C3orf85: variants seen among roughly 807,000 people sequenced by gnomAD.
C3orf85 encodes the protein chromosome 3 open reading frame 85.
C3orf85 carries 1 observed loss-of-function variant against 1.7 expected under a neutral mutation model. The observed-to-expected ratio is 0.60, with a 90% CI of 0.21 to 2.86. The LOEUF is 2.86. C3orf85 is among the 30% of genes most tolerant of loss of function. The pLI is 0.22. For synonymous variants in C3orf85, 17 were observed against 8.0 expected (o/e 2.13, Z -1.90); for missense variants, 29 against 21.3 (o/e 1.36, Z -0.72).
chr3:109,146,740 T>A (rs1319734978), intron 2 of C3orf85, among the ~76,000 whole-genome samples: 1 of 152,172 alleles, frequency 6.6e-6, no homozygotes, highest in African/African-American at 2.4e-5. Context: ...TTTTATATCC[T>A]AGCCACAAAA....
chr3:109,140,209 T>C (rs1315847821), intron 2 of C3orf85, among the ~76,000 whole-genome samples: 1 of 152,206 alleles, frequency 6.6e-6, no homozygotes, highest in African/African-American at 2.4e-5. Flanking sequence ...AAAATGTTGT[T>C]GTAGGAAAAT....
intron 2 of C3orf85, among the ~76,000 whole-genome samples, chr3:109,147,914 C>T (rs117374613): frequency 6.6e-6 from 1 of 152,062 alleles, no homozygotes; most frequent in African/African-American, 2.4e-5. Context: ...AACTAAAGTG[C>T]GAAGAAATCA....
At chr3:109,147,739 G>A (rs777507223) in intron 2 of C3orf85, among the ~76,000 whole-genome samples, 2 of 152,086 alleles carry the variant, frequency 1.3e-5, no homozygotes, top group Non-Finnish European at 2.9e-5. Context: ...TCAGGTTTGG[G>A]AGCAGCATAG....
At chr3:109,149,237 G>A (rs1031760250) in intron 3 of C3orf85, 2 of 152,066 alleles carry the variant, frequency 1.3e-5, no homozygotes, top group African/African-American at 4.8e-5. Flanking sequence ...CATGAGGATT[G>A]TATAAAGTCA....
chr3:109,137,046 T>G (rs567094158), intron 2 of C3orf85, 150 bp downstream of exon 2: 105 of 390,932 alleles, frequency 2.7e-4, no homozygotes, highest in African/African-American at 2.0e-3. Flanking sequence ...TAGAAGGCTG[T>G]GGTTTTGAAC....
At chr3:109,142,432 T>C (rs1318835743) in intron 2 of C3orf85, among the ~76,000 whole-genome samples, 1 of 152,188 alleles carries the variant, frequency 6.6e-6, no homozygotes, top group Non-Finnish European at 1.5e-5. Context: ...TCTTTGAACT[T>C]TAAGCAAGCC....
chr3:109,147,612 T>G (rs879523151), intron 2 of C3orf85, among the ~76,000 whole-genome samples: 7 of 152,296 alleles, frequency 4.6e-5, no homozygotes, highest in Non-Finnish European at 7.4e-5. Context: ...TTTTTAAAAA[T>G]TATCATCTCT....
chr3:109,148,667 T>A (rs541676483), intron 3 of C3orf85: 1 of 348,384 alleles, frequency 2.9e-6, no homozygotes, highest in East Asian at 6.3e-5. Context: ...CTTTCACAAA[T>A]AAATAGCTCT....
chr3:109,139,716 G>A (rs1288738617), intron 2 of C3orf85, among the ~76,000 whole-genome samples: 2 of 152,114 alleles, frequency 1.3e-5, no homozygotes, highest in Admixed American at 6.6e-5. Context: ...TACACGAAAC[G>A]ATTTGGGGGT....
At position 109,150,909 on chromosome 3, in the gene C3orf85, T is replaced by A. The variant is rs978416374; in HGVS notation, c.*1015T>A. ...TGGTCTTAAAACAATCTTAAGCACTTTTTGAGTGGCAAGTAAATCAGAAAA... is the reference window on the plus strand; with the variant it reads ...TGGTCTTAAAACAATCTTAAGCACTATTTGAGTGGCAAGTAAATCAGAAAA... On this transcript the variant is annotated 3_prime_UTR_variant, in exon 4 of 4. Transcript: ENST00000622536. Among the ~76,000 whole-genome samples, 4 of 152,214 alleles carry A rather than the reference T, an allele frequency of 2.6e-5. No homozygotes were observed. Among genetic ancestry groups the A allele is most frequent in the African/African-American group, 9.6e-5 (4 of 41,462 alleles).
chr3:109,148,362 G>A lies in C3orf85; in HGVS notation c.159G>A (p.Val53=). The A allele has an allele frequency of 1.4e-6, 1 of 702,690 alleles. No individual in the cohort carries two copies. The highest frequency in any genetic ancestry group is 2.6e-6 in the Non-Finnish European group (1 of 384,758). The allele number at this position is 702,690 out of a possible 1,614,324, so 43.5% of individuals were successfully genotyped here. Residue 53 remains valine (V), a synonymous_variant, in exon 3 of 4, where the codon GTG becomes GTA. Coordinates refer to ENST00000622536, the MANE Select transcript of C3orf85 (RefSeq NM_001351622.2). ...DYWDPDHSSD[V]WVNTLAKQAR... ...GGGACCCAGATCACAGTTCAGATGT[G>A]TGGGTAAACACACTGGCTAAGCAGG...
chr3:109,146,205 G>A (rs529524910), intron 2 of C3orf85: 2 of 152,316 alleles, frequency 1.3e-5, no homozygotes, highest in East Asian at 3.9e-4. Flanking sequence ...ATGATAATCA[G>A]AGCAAGGACT....
At chr3:109,138,702 A>G (rs1014130295) in intron 2 of C3orf85, among the ~76,000 whole-genome samples, 23 of 152,298 alleles carry the variant, frequency 1.5e-4, no homozygotes, top group Admixed American at 1.3e-3. Context: ...TGAGGCCAAA[A>G]ACAATGAAAG....
At chr3:109,137,155 G>A (rs1447677073) in intron 2 of C3orf85, among the ~76,000 whole-genome samples, 1 of 151,834 alleles carries the variant, frequency 6.6e-6, no homozygotes, top group African/African-American at 2.4e-5. Context: ...CCTAATTGCT[G>A]CTGCCTCCAA....
chr3:109,141,977 C>T (rs1172611864), intron 2 of C3orf85, among the ~76,000 whole-genome samples: 2 of 151,974 alleles, frequency 1.3e-5, no homozygotes, highest in African/African-American at 2.4e-5. Context: ...TGCAGTGAGC[C>T]AAGATCGTGC....
At chr3:109,144,547 A>G (rs933142105) in intron 2 of C3orf85, among the ~76,000 whole-genome samples, 6 of 152,206 alleles carry the variant, frequency 3.9e-5, no homozygotes, top group African/African-American at 1.4e-4. Context: ...TCGGTAAAAC[A>G]TTTTCCATGA....
rs1192369827 is a variant in C3orf85, at chr3:109,150,558, GA to G, written c.*667del. ...AATTTATTGATGTTTGTTTTAATGT[GA>G]AATAACAGTTTTGACTCACTGGCCA... On this transcript the variant is annotated 3_prime_UTR_variant, in exon 4 of 4. Transcript: ENST00000622536. 3 of 152,114 alleles carry G rather than the reference GA, an allele frequency of 2.0e-5. No individual in the cohort carries two copies. The highest frequency in any genetic ancestry group is 7.2e-5 in the African/African-American group (3 of 41,430). 9.4% of individuals were successfully genotyped at this position (152,114 alleles called of 1,614,324 possible). A position where few individuals can be genotyped will look rare whatever the true frequency, so the allele number is the denominator to read the frequency against.
At chr3:109,148,582 T>G in intron 3 of C3orf85, 196 bp downstream of exon 3, 1 of 530,042 alleles carries the variant, frequency 1.9e-6, no homozygotes, top group South Asian at 2.5e-5. Context: ...AAGACTAGAC[T>G]CAAATGTCCC....
rs1233725201 is a variant in C3orf85 at position 109,151,366 on chromosome 3, C to T, written c.*1472C>T. Among the ~76,000 whole-genome samples the T allele has an allele frequency of 1.3e-5, 2 of 152,150 alleles. No homozygotes were observed. The highest frequency in any genetic ancestry group is 1.9e-4 in the East Asian group (1 of 5,192). On this transcript the variant is annotated 3_prime_UTR_variant, in exon 4 of 4. Transcript: ENST00000622536. ...ATATATAGAGATGCTCCTCAACATA[C>T]GATGGCGTTACATCCCAATAAACCC... is the stretch of plus-strand genomic sequence containing the variant.
Sources: gnomAD v4.1 joint callset for allele counts (sites outside exome capture counted in the v4.1 genomes callset) on GRCh38, gnomAD v4.1.1 for gene constraint, MANE v1.5 for transcripts, NCBI Gene and HGNC (gene_info 2026-07-23, HGNC 2026-07-21) for gene names.